FRMD4A: variants seen among roughly 807,000 people sequenced by gnomAD.
The protein encoded by FRMD4A is FERM domain containing 4A.
A neutral mutation model predicts 129.1 loss-of-function variants in FRMD4A; 29 were observed. The observed-to-expected ratio is 0.22, with a 90% CI of 0.17 to 0.31. The LOEUF is 0.31. Among genes scored for constraint, FRMD4A ranks in the 10% least tolerant of loss-of-function variants. The probability of loss-of-function intolerance (pLI) is 1.00; values close to 1 mark genes in which losing one functional copy is unlikely to be tolerated. For missense variants in FRMD4A, 1,272 were observed against 1,375.8 expected (o/e 0.92, Z 1.19); for synonymous variants, 634 against 571.6 (o/e 1.11, Z -1.56).
At position 14,062,356 on chromosome 10, in the gene FRMD4A, C is replaced by T. The variant is rs529382164; in HGVS notation, c.46-203444G>A. On this transcript the variant is annotated intron_variant, in intron 2 of 24. Transcript: ENST00000357447. ...TCTGATTACAGAGCTGCACGGAAGG[C>T]TATTCTCCAAGTTGGGAGTGGGGTG... Among the ~76,000 whole-genome samples, 8 of 152,286 alleles carry T rather than the reference C, an allele frequency of 5.3e-5. No homozygotes were observed. In the South Asian group the frequency reaches 1.7e-3, roughly 32 times the overall value.
intron 6 of FRMD4A, among the ~76,000 whole-genome samples, chr10:13,765,272 G>A (rs796664777): frequency 2.0e-5 from 3 of 151,674 alleles, no homozygotes; most frequent in African/African-American, 4.8e-5. Context: ...CCACCACCAC[G>A]CCTGGCTAAT....
rs1218391 is a variant in FRMD4A, at chr10:14,243,349, G to A, written c.45+86709C>T. ...CATGAGGTCTGATGATTTTGTAAGT[G>A]TTTGACAGTTCCTCCTTCAAATGCT... On this transcript the variant is annotated intron_variant, in intron 2 of 24. Transcript: ENST00000357447. Among the ~76,000 whole-genome samples the A allele has an allele frequency of 9.6e-3, 1,461 of 152,196 alleles. 28 individuals are homozygous for A. The highest frequency in any genetic ancestry group is 0.034 in the African/African-American group (1,405 of 41,508).
At chr10:13,800,895 T>C (rs2093238558) in intron 4 of FRMD4A, among the ~76,000 whole-genome samples, 1 of 152,236 alleles carries the variant, frequency 6.6e-6, no homozygotes, top group African/African-American at 2.4e-5. Context: ...GGCAATTCCT[T>C]TGTTCCCGGC....
chr10:13,861,604 G>C (rs2094296134), intron 2 of FRMD4A, among the ~76,000 whole-genome samples: 1 of 152,178 alleles, frequency 6.6e-6, no homozygotes. Context: ...TCAATCCAAA[G>C]CCTTGCCATT....
intron 2 of FRMD4A, chr10:13,971,890 A>C: frequency 7.8e-7 from 1 of 1,282,030 alleles, no homozygotes; most frequent in Non-Finnish European, 1.0e-6. Context: ...CAATGTCAGT[A>C]AGATTTAATC....
chr10:13,721,397 G>A (rs1054829092), intron 12 of FRMD4A, among the ~76,000 whole-genome samples: 5 of 152,078 alleles, frequency 3.3e-5, no homozygotes, highest in Admixed American at 1.3e-4. Context: ...GAGGAGAATC[G>A]CTGGAATCCA....
At chr10:14,259,720 A>T (rs1337434439) in intron 2 of FRMD4A, among the ~76,000 whole-genome samples, 2 of 152,224 alleles carry the variant, frequency 1.3e-5, no homozygotes, top group Admixed American at 6.5e-5. Context: ...ATGCACAAAG[A>T]GTTGGTTGCA....
intron 3 of FRMD4A, among the ~76,000 whole-genome samples, chr10:13,825,922 G>T (rs534631094): frequency 2.6e-5 from 4 of 152,352 alleles, no homozygotes; most frequent in African/African-American, 9.6e-5. Context: ...ATGCCCTGTG[G>T]ATGCCAAGGG....
chr10:14,028,167 T>C (rs561494995), intron 2 of FRMD4A, among the ~76,000 whole-genome samples: 29 of 152,376 alleles, frequency 1.9e-4, no homozygotes, highest in Non-Finnish European at 3.8e-4. Context: ...ATTTTATTAA[T>C]ACTTATATCA....
intron 2 of FRMD4A, among the ~76,000 whole-genome samples, chr10:14,296,749 G>T (rs1846022371): frequency 1.3e-5 from 2 of 152,064 alleles, no homozygotes; most frequent in South Asian, 4.2e-4. Context: ...CGCCCACTTG[G>T]GGCATTTCTC....
intron 19 of FRMD4A, among the ~76,000 whole-genome samples, chr10:13,662,983 G>A (rs1185302141): frequency 6.6e-6 from 1 of 151,938 alleles, no homozygotes; most frequent in African/African-American, 2.4e-5. Flanking sequence ...GGCCGAGGTG[G>A]GTGGGTCGCT....
chr10:13,697,152 ATTTTTTT>A (rs11309575), intron 14 of FRMD4A, among the ~76,000 whole-genome samples: 1 of 136,560 alleles, frequency 7.3e-6, no homozygotes, highest in Non-Finnish European at 1.6e-5. Flanking sequence ...AAACTACTGG[ATTTTTTT>A]TTTTTTTTTT....
chr10:14,185,544 A>G (rs934626647), intron 2 of FRMD4A, among the ~76,000 whole-genome samples: 3 of 152,230 alleles, frequency 2.0e-5, no homozygotes, highest in South Asian at 2.1e-4. Context: ...GAAACTTGAA[A>G]CATAAAGCAA....
chr10:13,924,540 G>T (rs1189332364), intron 2 of FRMD4A, among the ~76,000 whole-genome samples: 1 of 151,950 alleles, frequency 6.6e-6, no homozygotes, highest in Non-Finnish European at 1.5e-5. Context: ...CTTCTCTCAG[G>T]GAGAAGCAGT....
intron 2 of FRMD4A, among the ~76,000 whole-genome samples, chr10:13,978,754 A>C (rs2095550734): frequency 6.6e-6 from 1 of 152,176 alleles, no homozygotes; most frequent in Admixed American, 6.5e-5. Flanking sequence ...CACTGTGTTC[A>C]TCTTGGGGAC....
intron 2 of FRMD4A, chr10:13,890,986 C>A: frequency 3.6e-6 from 1 of 274,318 alleles, no homozygotes; most frequent in Non-Finnish European, 5.6e-6. Flanking sequence ...ACGCAGCTTT[C>A]TCGGTGCAGC....
Position 14,044,349 on chromosome 10 carries a change from T to G in FRMD4A, c.46-185437A>C, listed in dbSNP as rs1316369634. 1.3e-5 allele frequency among the ~76,000 whole-genome samples: 2 copies of G among 152,238 alleles called. 1 individual carries two copies. The highest frequency in any genetic ancestry group is 4.1e-4 in the South Asian group (2 of 4,832). ...TTCTGCATTTGGCTGCTTCACTATT[T>G]AGAATAGTGGCTCCCTGACCCCCAT... On this transcript the variant is annotated intron_variant, in intron 2 of 24. Coordinates refer to ENST00000357447, the MANE Select transcript of FRMD4A (RefSeq NM_018027.5).
intron 2 of FRMD4A, among the ~76,000 whole-genome samples, chr10:13,884,252 G>C (rs1340122432): frequency 7.2e-6 from 1 of 139,122 alleles, no homozygotes; most frequent in African/African-American, 2.7e-5. Flanking sequence ...TCCCTAAAAG[G>C]CATCCTGTAT....
intron 2 of FRMD4A, among the ~76,000 whole-genome samples, chr10:14,029,672 C>A (rs1394228454): frequency 6.6e-6 from 1 of 152,122 alleles, no homozygotes; most frequent in Non-Finnish European, 1.5e-5. Context: ...ACATTAGTTA[C>A]CTATTTTCAT....
Sources: allele counts gnomAD v4.1 joint callset (sites outside exome capture counted in the v4.1 genomes callset), GRCh38; gene constraint gnomAD v4.1.1; transcripts MANE v1.5; gene names NCBI Gene and HGNC (gene_info 2026-07-23, HGNC 2026-07-21).